Variants in STK3 observed in about 807,000 individuals in gnomAD.
The protein encoded by STK3 is serine/threonine-protein kinase 3.
A neutral mutation model predicts 58.0 loss-of-function variants in STK3; 41 were observed. That is an observed-to-expected ratio of 0.71 (90% CI 0.55 to 0.92). The LOEUF (loss-of-function observed/expected upper bound fraction) is 0.92, where lower values mean the gene tolerates loss of function less well. STK3 is among the 40% of genes least tolerant of loss of function. The pLI is 0.00. For synonymous variants in STK3, 170 were observed against 191.0 expected, an observed-to-expected ratio of 0.89 and a Z score of 0.91; for missense variants, 479 against 602.7, an observed-to-expected ratio of 0.79 and a Z score of 2.15.
At chr8:98,496,834 T>C (rs1823172041) in intron 10 of STK3, among the ~76,000 whole-genome samples, 1 of 152,124 alleles carries the variant, frequency 6.6e-6, no homozygotes, top group African/African-American at 2.4e-5. Context: ...AGCTGTTATT[T>C]AGTGGGTTTA....
intron 7 of STK3, 62 bp downstream of exon 7, chr8:98,595,970 C>A: frequency 6.4e-7 from 1 of 1,550,510 alleles, no homozygotes; most frequent in South Asian, 1.2e-5. Context: ...CAATTCTGGC[C>A]AATGTCAGAA....
At chr8:98,502,343 G>A (rs199984620) in intron 10 of STK3, among the ~76,000 whole-genome samples, 5 of 152,062 alleles carry the variant, frequency 3.3e-5, no homozygotes, top group African/African-American at 4.8e-5. Context: ...CAATCATGTC[G>A]TCTGCAAACA....
At position 98,847,839 on chromosome 8, in the gene STK3, T is replaced by C. The variant is rs889095188; in HGVS notation, c.110+35808A>G. Among the ~76,000 whole-genome samples the C allele has an allele frequency of 5.9e-5, 9 of 152,208 alleles. No individual in the cohort carries two copies. In the South Asian group the frequency reaches 6.2e-4, roughly 11 times the overall value. On this transcript the variant is annotated intron_variant, in intron 3 of 12. Coordinates refer to the STK3 transcript ENST00000523601. ...TGCCTACCTTACCTCTCACTAACTT[T>C]AGCTCCAGGTTCAAGTAGGGAATAG... is the stretch of plus-strand genomic sequence containing the variant.
chr8:98,694,136 A>G (rs1000493531), intron 6 of STK3, among the ~76,000 whole-genome samples: 2 of 152,142 alleles, frequency 1.3e-5, no homozygotes, highest in Non-Finnish European at 2.9e-5. Context: ...TGTTGCATCT[A>G]TTTAAATGCT....
At chr8:98,594,850 T>C (rs1815666013) in intron 7 of STK3, 1 of 152,176 alleles carries the variant, frequency 6.6e-6, no homozygotes, top group African/African-American at 2.4e-5. Context: ...GCCCCATCCA[T>C]AGTTAGTTAC....
chr8:98,462,463 T>C (rs1485253697), intron 10 of STK3, among the ~76,000 whole-genome samples: 3 of 152,214 alleles, frequency 2.0e-5, no homozygotes, highest in Admixed American at 1.3e-4. Flanking sequence ...GCCAGCTAGA[T>C]TGCAATCTTG....
At chr8:98,909,038 C>A (rs894257018) in intron 1 of STK3, among the ~76,000 whole-genome samples, 4 of 151,868 alleles carry the variant, frequency 2.6e-5, no homozygotes, top group Admixed American at 6.6e-5. Flanking sequence ...TGCCTGTAAT[C>A]GCAGCTATTC....
upstream of STK3, among the ~76,000 whole-genome samples, chr8:98,391,690 C>A (rs189639662): frequency 1.3e-5 from 2 of 152,292 alleles, no homozygotes; most frequent in Admixed American, 1.3e-4. Flanking sequence ...TGCTCTTGAG[C>A]GTCCTTGCAT....
chr8:98,711,980 A>G lies in STK3; in HGVS notation c.352-4669T>C, dbSNP rs191511312. On this transcript the variant is annotated intron_variant, in intron 4 of 10. Coordinates refer to ENST00000419617, the MANE Select transcript of STK3 (RefSeq NM_006281.4). ...CCAGAAGACAGGGGGGCCAATAGTC[A>G]AGATTCTTAAAGAAAAGAATTTTCA... 5.5e-3 allele frequency among the ~76,000 whole-genome samples: 842 copies of G among 152,340 alleles called. 9 individuals carry two copies. Among genetic ancestry groups the G allele is most frequent in the African/African-American group, 0.02 (813 of 41,568 alleles).
At chr8:98,743,254 A>C (rs1272661737) in intron 4 of STK3, among the ~76,000 whole-genome samples, 2 of 151,636 alleles carry the variant, frequency 1.3e-5, no homozygotes, top group Non-Finnish European at 2.9e-5. Context: ...TGGAAAAAAA[A>C]AAAAAAGAGC....
chr8:98,406,311 ATCT>A (rs1158095126), intron 3 of STK3, among the ~76,000 whole-genome samples: 1 of 150,326 alleles, frequency 6.7e-6, no homozygotes, highest in African/African-American at 2.5e-5. Context: ...TTCGGCTTTC[ATCT>A]TAGGTTCAGG....
chr8:98,769,910 G>T (rs763558194), intron 2 of STK3, among the ~76,000 whole-genome samples: 8 of 152,174 alleles, frequency 5.3e-5, no homozygotes, highest in Non-Finnish European at 8.8e-5. Context: ...ACAGAAACAG[G>T]GTTGAGATTT....
chr8:98,531,709 C>A (rs187047905), intron 9 of STK3, among the ~76,000 whole-genome samples: 1 of 152,288 alleles, frequency 6.6e-6, no homozygotes, highest in African/African-American at 2.4e-5. Context: ...TATTGAAATT[C>A]TGTTGTTTAG....
At chr8:98,702,106 G>T (rs997556003) in intron 6 of STK3, among the ~76,000 whole-genome samples, 1 of 152,108 alleles carries the variant, frequency 6.6e-6, no homozygotes. Flanking sequence ...TCTTTGGGGG[G>T]AAGAAAAAGT....
chr8:98,700,015 T>C lies in STK3; in HGVS notation c.684+6452A>G, dbSNP rs4734413. On this transcript the variant is annotated intron_variant, in intron 6 of 10. Coordinates refer to ENST00000419617, the MANE Select transcript of STK3 (RefSeq NM_006281.4). ...GGCCTCCTTGAGCTGTGGTGGGCTC[T>C]ACCCAGTTGGAGCTTCCCGGCTGCT... 7.0e-3 allele frequency among the ~76,000 whole-genome samples: 1,065 copies of C among 152,368 alleles called. 8 individuals carry two copies. Among genetic ancestry groups the C allele is most frequent in the African/African-American group, 0.024 (980 of 41,592 alleles).
intron 1 of STK3, among the ~76,000 whole-genome samples, chr8:98,381,910 A>G (rs982403866): frequency 1.3e-5 from 2 of 152,342 alleles, no homozygotes; most frequent in South Asian, 4.1e-4. Flanking sequence ...GATATTTTGT[A>G]CATCATAGAT....
intron 3 of STK3, among the ~76,000 whole-genome samples, chr8:98,845,149 A>G (rs1349943001): frequency 3.3e-5 from 5 of 152,050 alleles, no homozygotes; most frequent in African/African-American, 9.7e-5. Context: ...CTTAGAGTTC[A>G]TTTCTGTTAC....
chr8:98,875,928 C>T (rs1837546176), intron 3 of STK3, among the ~76,000 whole-genome samples: 1 of 152,148 alleles, frequency 6.6e-6, no homozygotes, highest in South Asian at 2.1e-4. Flanking sequence ...GCCTTTATTT[C>T]TCAGGCCATC....
intron 8 of STK3, among the ~76,000 whole-genome samples, chr8:98,551,211 C>T (rs1369461280): frequency 6.6e-6 from 1 of 152,138 alleles, no homozygotes; most frequent in East Asian, 1.9e-4. Flanking sequence ...CTAATTCAGT[C>T]TTTGTTAATT....
Sources: allele counts gnomAD v4.1 joint callset (sites outside exome capture counted in the v4.1 genomes callset), GRCh38; gene constraint gnomAD v4.1.1; transcripts MANE v1.5; gene names NCBI Gene and HGNC (gene_info 2026-07-23, HGNC 2026-07-21).